The following SPANXN2 variants were observed in gnomAD, a reference collection of about 807,000 sequenced individuals.
The protein encoded by SPANXN2 is SPANX family member N2.
A neutral mutation model predicts 2.0 loss-of-function variants in SPANXN2; 1 was observed. The observed-to-expected ratio is 0.50, with a 90% CI of 0.18 to 2.36. SPANXN2 has a LOEUF of 2.36. Among genes scored for constraint, SPANXN2 ranks in the 30% most tolerant of loss-of-function variants. SPANXN2 has a pLI of 0.26. For synonymous variants in SPANXN2, 43 were observed against 49.8 expected, an observed-to-expected ratio of 0.86 and a Z score of 0.58; for missense variants, 88 against 116.7, an observed-to-expected ratio of 0.75 and a Z score of 1.13.
chrX:143,713,643 A>G (rs1405549139), intron 1 of SPANXN2, among the ~76,000 whole-genome samples: 1 of 110,855 alleles, frequency 9.0e-6, no homozygotes, highest in Non-Finnish European at 1.9e-5. Flanking sequence ...CCCTTCTCCC[A>G]GGAGGAATCA....
chrX:143,719,843 C>T (rs1237928624), intron 1 of SPANXN2, among the ~76,000 whole-genome samples: 2 of 110,070 alleles, frequency 1.8e-5, no homozygotes, highest in African/African-American at 3.3e-5. Context: ...TTTCTTAGGG[C>T]CGTTAATCTT....
chrX:143,712,485 C>G, exon 2 of SPANXN2: 1 of 1,207,914 alleles, frequency 8.3e-7, no homozygotes, highest in African/African-American at 1.7e-5. Flanking sequence ...AGACCCTGTT[C>G]GGTGCCTCCT....
chrX:143,716,444 G>A (rs1272972089), intron 1 of SPANXN2, among the ~76,000 whole-genome samples: 3 of 110,958 alleles, frequency 2.7e-5, no homozygotes, highest in East Asian at 5.7e-4. Flanking sequence ...GCCACTATAC[G>A]TAGCCTCACA....
Position 143,715,707 on chromosome X carries a change from A to T in SPANXN2, c.79-3208T>A, listed in dbSNP as rs782421793. Among the ~76,000 whole-genome samples, 14 of 106,040 alleles carry T rather than the reference A, an allele frequency of 1.3e-4. 1 individual carries two copies. Among genetic ancestry groups the T allele is most frequent in the African/African-American group, 4.8e-4 (14 of 29,456 alleles). The allele number at this position is 106,040 out of a possible 115,157, so 92.1% of individuals were successfully genotyped here. On this transcript the variant is annotated intron_variant, in intron 1 of 1. Transcript: ENST00000598475. ...ATTATCTGTAAACTTTTACAAGCTCATATTCTCAAGCCTGTTAACTCTCCC... is the reference window on the plus strand; with the variant it reads ...ATTATCTGTAAACTTTTACAAGCTCTTATTCTCAAGCCTGTTAACTCTCCC...
chrX:143,715,814 G>A (rs1420621214), intron 1 of SPANXN2, among the ~76,000 whole-genome samples: 3 of 110,835 alleles, frequency 2.7e-5, no homozygotes, highest in Admixed American at 9.6e-5. Context: ...TAACCAGGCC[G>A]TGGTACCAAT....
chrX:143,718,405 C>G (rs1202535564), intron 1 of SPANXN2, among the ~76,000 whole-genome samples: 1 of 111,604 alleles, frequency 9.0e-6, no homozygotes, highest in African/African-American at 3.3e-5. Flanking sequence ...GTCCCTACAA[C>G]CAGCGGGCTG....
At chrX:143,716,325 C>T (rs782074088) in intron 1 of SPANXN2, among the ~76,000 whole-genome samples, 2 of 110,463 alleles carry the variant, frequency 1.8e-5, no homozygotes, top group South Asian at 3.9e-4. Context: ...TGAAAGGAGC[C>T]AATTTGGGAC....
chrX:143,715,917 C>G (rs1389962186), intron 1 of SPANXN2, among the ~76,000 whole-genome samples: 2 of 111,591 alleles, frequency 1.8e-5, no homozygotes, highest in African/African-American at 6.5e-5. Flanking sequence ...ACAACTATTT[C>G]ACTATTCCCT....
rs73566150 is a variant in SPANXN2, at chrX:143,712,641, G to C, written c.79-142C>G. The C allele has an allele frequency of 6.7e-3, 3,957 of 590,984 alleles. 114 individuals are homozygous for C. The African/African-American group carries it at 0.082, about 12-fold the overall frequency. The allele number at this position is 590,984 out of a possible 1,213,427, so 48.7% of individuals were successfully genotyped here. ...AGAGAAGAACAAGGTGGAATCATAG[G>C]GTAGTGATCTATGGGGAAGAAGAAG... On this transcript the variant is annotated intron_variant, in intron 1 of 1. Transcript: ENST00000598475.
At chrX:143,720,453 C>T (rs782292931) in intron 1 of SPANXN2, 138 bp downstream of exon 1, 9 of 552,001 alleles carry the variant, frequency 1.6e-5, no homozygotes, top group Middle Eastern at 5.8e-4. Context: ...AGCCTGTAAG[C>T]GGCGGTGGGT....
At position 143,717,523 on chromosome X, in the gene SPANXN2, A is replaced by T. The variant is rs851102; in HGVS notation, c.78+3068T>A. The stretch of plus-strand genomic sequence containing the variant: ...CCTGTATATACCCAGCAGGAAAAAA[A>T]CCCACTTGCCCAGGCTGGTGCCATT... On this transcript the variant is annotated intron_variant, in intron 1 of 1. Transcript: ENST00000598475. Among the ~76,000 whole-genome samples, 70 of 110,557 alleles carry T rather than the reference A, an allele frequency of 6.3e-4. No individual in the cohort carries two copies. The East Asian group carries it at 8.6e-3, about 14-fold the overall frequency.
chrX:143,720,249 C>G (rs1374490489), intron 1 of SPANXN2, among the ~76,000 whole-genome samples: 30 of 110,909 alleles, frequency 2.7e-4, no homozygotes, highest in African/African-American at 8.9e-4. Context: ...ATCGTCGTAA[C>G]ACAAGGCGGA....
Position 143,719,694 on chromosome X carries a change from C to A in SPANXN2, c.78+897G>T. On this transcript the variant is annotated intron_variant, in intron 1 of 1. Transcript: ENST00000598475. The stretch of plus-strand genomic sequence containing the variant: ...ATCTAAACATTAACACTTTGCCTAA[C>A]AAGCAGACCATCCAGGTTCCTTTAG... 2.7e-5 allele frequency among the ~76,000 whole-genome samples: 3 copies of A among 111,295 alleles called. 1 individual carries two copies. In the Middle Eastern group the frequency reaches 0.014, roughly 511 times the overall value.
intron 1 of SPANXN2, among the ~76,000 whole-genome samples, chrX:143,720,027 C>T (rs1556450629): frequency 1.8e-5 from 2 of 111,125 alleles, no homozygotes; most frequent in East Asian, 5.7e-4. Context: ...AAGTCCGTCA[C>T]CCCCTGCTTC....
chrX:143,715,976 A>T (rs1210334853), intron 1 of SPANXN2, among the ~76,000 whole-genome samples: 1 of 111,291 alleles, frequency 9.0e-6, no homozygotes, highest in Non-Finnish European at 1.9e-5. Context: ...TCAAATCCTA[A>T]TACTCACATG....
At chrX:143,716,459 C>T (rs1932267137) in intron 1 of SPANXN2, among the ~76,000 whole-genome samples, 1 of 111,312 alleles carries the variant, frequency 9.0e-6, no homozygotes, top group Non-Finnish European at 1.9e-5. Flanking sequence ...CTCACATGGG[C>T]CCATCCTAAA....
intron 1 of SPANXN2, among the ~76,000 whole-genome samples, chrX:143,715,615 C>T (rs4825176): frequency 0.46 from 45,627 of 99,575 alleles, 9,191 homozygotes; most frequent in East Asian, 0.81. Context: ...CCTTCAAAAC[C>T]CCTCCATTTT....
intron 1 of SPANXN2, among the ~76,000 whole-genome samples, chrX:143,715,443 T>C (rs782735203): frequency 3.6e-4 from 40 of 110,281 alleles, no homozygotes; most frequent in Admixed American, 6.8e-4. Flanking sequence ...CCATGCAATG[T>C]GGCTCCTACA....
chrX:143,714,982 C>G (rs1602679080), intron 1 of SPANXN2, among the ~76,000 whole-genome samples: 1 of 111,760 alleles, frequency 8.9e-6, no homozygotes, highest in East Asian at 2.9e-4. Context: ...AACAGGGACA[C>G]TGGGCAAAAG....
Sources: allele counts gnomAD v4.1 joint callset (sites outside exome capture counted in the v4.1 genomes callset), GRCh38; gene constraint gnomAD v4.1.1; transcripts MANE v1.5; gene names NCBI Gene and HGNC (gene_info 2026-07-23, HGNC 2026-07-21).